RHBDD1: variants seen among roughly 807,000 people sequenced by gnomAD.
RHBDD1 encodes rhomboid-related protein 4.
RHBDD1 carries 38 observed loss-of-function variants against 36.3 expected under a neutral mutation model. The ratio of observed to expected loss-of-function variants is 1.05; its 90% CI spans 0.81 to 1.37. RHBDD1 has a LOEUF of 1.37. Ranked by LOEUF, RHBDD1 falls within the 40% of genes most tolerant of loss-of-function variation. RHBDD1 has a pLI of 0.00. For missense variants in RHBDD1, 393 were observed against 377.6 expected, an observed-to-expected ratio of 1.04 and a Z score of -0.34; for synonymous variants, 151 against 136.5, an observed-to-expected ratio of 1.11 and a Z score of -0.74.
intron 8 of RHBDD1, among the ~76,000 whole-genome samples, chr2:226,925,551 GA>G (rs944827608): frequency 1.3e-5 from 2 of 150,080 alleles, no homozygotes; most frequent in Non-Finnish European, 3.0e-5. Flanking sequence ...TTTTCCTTAG[GA>G]AAAAAAAATG....
At chr2:226,816,615 G>C in the RHBDD1 span, among the ~76,000 whole-genome samples, 1 of 152,158 alleles carries the variant, frequency 6.6e-6, no homozygotes, top group African/African-American at 2.4e-5. Context: ...ATAGGTCTAG[G>C]CCAGGCACAG....
chr2:226,930,762 A>C (rs1331396513), intron 8 of RHBDD1, among the ~76,000 whole-genome samples: 2 of 152,122 alleles, frequency 1.3e-5, no homozygotes, highest in African/African-American at 4.8e-5. Flanking sequence ...AATATCCAGA[A>C]TCTACAATGA....
chr2:226,934,139 T>C (rs1001912251), intron 8 of RHBDD1, among the ~76,000 whole-genome samples: 4 of 152,176 alleles, frequency 2.6e-5, no homozygotes, highest in African/African-American at 9.7e-5. Context: ...TATGTGACAG[T>C]GGTCCCATAA....
chr2:226,894,938 G>A (rs1946975679), intron 5 of RHBDD1, among the ~76,000 whole-genome samples: 1 of 152,166 alleles, frequency 6.6e-6, no homozygotes, highest in South Asian at 2.1e-4. Context: ...TGGGGGACAT[G>A]GAGGGCAAAA....
At chr2:226,808,866 CAA>C in the RHBDD1 span, among the ~76,000 whole-genome samples, 7 of 136,764 alleles carry the variant, frequency 5.1e-5, no homozygotes, top group East Asian at 1.3e-3. Context: ...GAAGTAGTGT[CAA>C]AAAAAAAAAA....
chr2:226,981,316 G>A (rs1216216821), intron 8 of RHBDD1, among the ~76,000 whole-genome samples: 1 of 151,734 alleles, frequency 6.6e-6, no homozygotes, highest in East Asian at 1.9e-4. Context: ...GTATACCTAT[G>A]TAACGAGACC....
chr2:226,899,555 G>C (rs1370904309), intron 5 of RHBDD1, among the ~76,000 whole-genome samples: 1 of 152,064 alleles, frequency 6.6e-6, no homozygotes, highest in Admixed American at 6.5e-5. Context: ...ATCTTAGCAG[G>C]TTAAATAAAT....
intron 8 of RHBDD1, among the ~76,000 whole-genome samples, chr2:226,938,457 A>C (rs984969438): frequency 6.6e-6 from 1 of 152,138 alleles, no homozygotes; most frequent in African/African-American, 2.4e-5. Context: ...CACTGACCCC[A>C]CAGAAGTACA....
intron 8 of RHBDD1, among the ~76,000 whole-genome samples, chr2:226,993,430 CTT>C (rs1278969973): frequency 6.6e-6 from 1 of 152,144 alleles, no homozygotes; most frequent in Non-Finnish European, 1.5e-5. Context: ...TAAGACCAGT[CTT>C]TTTAAAAACA....
At chr2:226,803,088 G>A in the RHBDD1 span, among the ~76,000 whole-genome samples, 3,201 of 152,214 alleles carry the variant, frequency 0.021, 123 homozygotes, top group African/African-American at 0.072. Context: ...AAATACTGGC[G>A]TCTCTTAGAA....
chr2:226,943,985 G>A (rs1168477247), intron 8 of RHBDD1, among the ~76,000 whole-genome samples: 1 of 152,220 alleles, frequency 6.6e-6, no homozygotes, highest in Non-Finnish European at 1.5e-5. Context: ...AGGGATCCAA[G>A]TGGCCATTGT....
At chr2:226,903,614 A>G (rs1003599514) in intron 5 of RHBDD1, among the ~76,000 whole-genome samples, 1 of 152,180 alleles carries the variant, frequency 6.6e-6, no homozygotes, top group East Asian at 1.9e-4. Context: ...AAAATGTTCA[A>G]TCCCATAATT....
chr2:226,949,136 AAATGG>A (rs1951234447), intron 8 of RHBDD1, among the ~76,000 whole-genome samples: 1 of 152,250 alleles, frequency 6.6e-6, no homozygotes, highest in Non-Finnish European at 1.5e-5. Flanking sequence ...GGACACAAAC[AAATGG>A]AAAAACATTC....
intron 8 of RHBDD1, among the ~76,000 whole-genome samples, chr2:226,963,059 C>G (rs147985838): frequency 6.6e-6 from 1 of 152,098 alleles, no homozygotes; most frequent in Non-Finnish European, 1.5e-5. Context: ...CCTCTACCCA[C>G]TAGACGCAAG....
the RHBDD1 span, among the ~76,000 whole-genome samples, chr2:226,823,085 C>T: frequency 6.6e-6 from 1 of 152,012 alleles, no homozygotes; most frequent in Non-Finnish European, 1.5e-5. Context: ...AAGAAGACTG[C>T]ACCACTGCAC....
At chr2:226,968,617 A>G (rs1952855791) in intron 8 of RHBDD1, among the ~76,000 whole-genome samples, 1 of 152,240 alleles carries the variant, frequency 6.6e-6, no homozygotes. Context: ...ACACACAAAA[A>G]AGAGCATCGC....
At chr2:226,895,011 G>C (rs1385946543) in intron 5 of RHBDD1, among the ~76,000 whole-genome samples, 1 of 152,194 alleles carries the variant, frequency 6.6e-6, no homozygotes, top group African/African-American at 2.4e-5. Context: ...CTAGAGCCCA[G>C]GGTGTGGTAG....
chr2:226,823,048 C>A, the RHBDD1 span, among the ~76,000 whole-genome samples: 2 of 152,264 alleles, frequency 1.3e-5, no homozygotes, highest in Admixed American at 1.3e-4. Context: ...ATCACTTGAA[C>A]CCGGGAGGCA....
intron 6 of RHBDD1, chr2:226,908,582 T>TACACACACACACACACACACACAC (rs10559846): frequency 1.1e-4 from 38 of 346,908 alleles, no homozygotes; most frequent in African/African-American, 7.2e-4. Context: ...CATTTTCCAC[T>TACACACACACACACACACACACAC]ACACACACAC....
Sources: allele counts gnomAD v4.1 joint callset (sites outside exome capture counted in the v4.1 genomes callset), GRCh38; gene constraint gnomAD v4.1.1; transcripts MANE v1.5; gene names NCBI Gene and HGNC (gene_info 2026-07-23, HGNC 2026-07-21).